Variants in GRID2 observed in about 807,000 individuals in gnomAD.
The protein encoded by GRID2 is glutamate ionotropic receptor delta type subunit 2.
GRID2 carries 33 observed loss-of-function variants against 114.8 expected under a neutral mutation model. The observed-to-expected ratio is 0.29, with a 90% CI of 0.22 to 0.38. GRID2 has a LOEUF of 0.38. Ranked by LOEUF, GRID2 falls within the 10% of genes least tolerant of loss-of-function variation. The pLI is 1.00. For missense variants in GRID2, 1,184 were observed against 1,257.7 expected, an observed-to-expected ratio of 0.94 and a Z score of 0.89; for synonymous variants, 505 against 449.9, an observed-to-expected ratio of 1.12 and a Z score of -1.55.
intron 2 of GRID2, among the ~76,000 whole-genome samples, chr4:92,976,271 A>G (rs1054592394): frequency 1.3e-5 from 2 of 152,220 alleles, no homozygotes; most frequent in African/African-American, 4.8e-5. Flanking sequence ...GAAAAAATGA[A>G]TAAACAAATG....
chr4:92,914,556 C>A (rs1748637761), intron 2 of GRID2, among the ~76,000 whole-genome samples: 1 of 152,028 alleles, frequency 6.6e-6, no homozygotes, highest in African/African-American at 2.4e-5. Flanking sequence ...TTTTCCTGAT[C>A]CTCTCCCTTC....
At chr4:92,443,322 A>G (rs1004597332) in intron 1 of GRID2, among the ~76,000 whole-genome samples, 4 of 152,178 alleles carry the variant, frequency 2.6e-5, no homozygotes, top group African/African-American at 9.7e-5. Flanking sequence ...GTCAAGTGGC[A>G]TTGCAGAAGA....
chr4:93,727,711 T>C (rs1349392828), intron 14 of GRID2, among the ~76,000 whole-genome samples: 1 of 152,202 alleles, frequency 6.6e-6, no homozygotes, highest in Non-Finnish European at 1.5e-5. Flanking sequence ...TGGTTTAGTC[T>C]TGGGAGAGTG....
chr4:92,589,012 C>T (rs189796426), intron 1 of GRID2, among the ~76,000 whole-genome samples: 10 of 148,882 alleles, frequency 6.7e-5, no homozygotes, highest in African/African-American at 2.0e-4. Flanking sequence ...AGGCTGAGGC[C>T]GGAGAAGGGC....
chr4:93,768,217 G>A (rs1255306657), intron 14 of GRID2, among the ~76,000 whole-genome samples: 1 of 152,204 alleles, frequency 6.6e-6, no homozygotes, highest in Non-Finnish European at 1.5e-5. Flanking sequence ...GGCCTGGCAG[G>A]CCCTGGAAGA....
intron 13 of GRID2, among the ~76,000 whole-genome samples, chr4:93,611,039 T>C (rs1740833114): frequency 7.8e-6 from 1 of 128,766 alleles, no homozygotes; most frequent in Non-Finnish European, 1.6e-5. Context: ...TGGTTTAGTC[T>C]TGGGAGAGTG....
chr4:92,650,892 C>T (rs1560511411), intron 2 of GRID2, among the ~76,000 whole-genome samples: 1 of 151,922 alleles, frequency 6.6e-6, no homozygotes, highest in Non-Finnish European at 1.5e-5. Context: ...TGACCCAACC[C>T]CACAAGGTAT....
intron 1 of GRID2, among the ~76,000 whole-genome samples, chr4:92,513,467 C>A (rs1386959380): frequency 6.6e-6 from 1 of 151,780 alleles, no homozygotes; most frequent in Non-Finnish European, 1.5e-5. Flanking sequence ...CACAGGGCCA[C>A]CTTTACTCAA....
chr4:93,115,560 A>G (rs1733163772), intron 4 of GRID2, among the ~76,000 whole-genome samples: 2 of 152,268 alleles, frequency 1.3e-5, no homozygotes, highest in Middle Eastern at 3.4e-3. Context: ...GTTATATAAT[A>G]TTCCCTTGGT....
At chr4:92,742,186 A>G (rs913469147) in intron 2 of GRID2, among the ~76,000 whole-genome samples, 2 of 152,192 alleles carry the variant, frequency 1.3e-5, no homozygotes, top group Non-Finnish European at 2.9e-5. Context: ...ATGTCAGCAG[A>G]TAGTACAATT....
At chr4:93,780,324 C>T (rs1442773896) in intron 1 of GRID2, among the ~76,000 whole-genome samples, 1 of 152,154 alleles carries the variant, frequency 6.6e-6, no homozygotes, top group African/African-American at 2.4e-5. Context: ...AATACAAAGG[C>T]TCTGAGGTGA....
chr4:92,973,989 C>T (rs1222735542), intron 2 of GRID2, among the ~76,000 whole-genome samples: 3 of 151,974 alleles, frequency 2.0e-5, no homozygotes, highest in African/African-American at 7.2e-5. Context: ...ACAAATTTAC[C>T]AGAAAGATAC....
intron 14 of GRID2, among the ~76,000 whole-genome samples, chr4:93,750,841 TAAAAG>T (rs1732262926): frequency 6.6e-6 from 1 of 152,142 alleles, no homozygotes; most frequent in African/African-American, 2.4e-5. Flanking sequence ...TGGTGTCACT[TAAAAG>T]AGATGAGTTA....
chr4:93,413,192 A>C (rs907693720), intron 9 of GRID2, among the ~76,000 whole-genome samples: 1 of 152,156 alleles, frequency 6.6e-6, no homozygotes, highest in African/African-American at 2.4e-5. Flanking sequence ...ACAATGGTTG[A>C]ACTAATTTAC....
At position 92,726,578 on chromosome 4, in the gene GRID2, C is replaced by A. The variant is rs189922059; in HGVS notation, c.244+136292C>A. On this transcript the variant is annotated intron_variant, in intron 2 of 15. Transcript: ENST00000282020. Reference sequence around the variant, plus strand: ...ATGAAATATTTGAAAATTATCTTACCATAAAATATTTCTTATTTTGAAGCT... The same window carrying A: ...ATGAAATATTTGAAAATTATCTTACAATAAAATATTTCTTATTTTGAAGCT... 2.6e-5 allele frequency among the ~76,000 whole-genome samples: 4 copies of A among 151,990 alleles called. No individual in the cohort carries two copies. The East Asian group carries it at 7.7e-4, about 29-fold the overall frequency.
chr4:93,494,267 A>G (rs919585174), intron 12 of GRID2, among the ~76,000 whole-genome samples: 7 of 151,832 alleles, frequency 4.6e-5, no homozygotes, highest in Admixed American at 2.6e-4. Flanking sequence ...TTGCTGTGCC[A>G]TTGGCAAACA....
At chr4:93,332,301 A>T (rs970448) in intron 8 of GRID2, among the ~76,000 whole-genome samples, 29,815 of 101,750 alleles carry the variant, frequency 0.29, 3,613 homozygotes, top group Non-Finnish European at 0.38. Flanking sequence ...TGTGTGTGTG[A>T]GAGAGAGAGA....
chr4:93,804,918 T>G (rs991564138), intron 1 of GRID2, among the ~76,000 whole-genome samples: 4 of 152,204 alleles, frequency 2.6e-5, no homozygotes, highest in African/African-American at 9.6e-5. Context: ...TGTGGAATCT[T>G]TAGGTGGTTG....
At chr4:92,761,230 A>G (rs1553924772) in intron 2 of GRID2, among the ~76,000 whole-genome samples, 1 of 151,848 alleles carries the variant, frequency 6.6e-6, no homozygotes, top group Non-Finnish European at 1.5e-5. Flanking sequence ...TTCTAGTTCT[A>G]TATTATATAT....
Sources: allele counts gnomAD v4.1 joint callset (sites outside exome capture counted in the v4.1 genomes callset), GRCh38; gene constraint gnomAD v4.1.1; transcripts MANE v1.5; gene names NCBI Gene and HGNC (gene_info 2026-07-23, HGNC 2026-07-21).